Variants in GREB1 observed in about 807,000 individuals in gnomAD.
The protein encoded by GREB1 is growth regulating estrogen receptor binding 1, also known as protein GREB1.
Under a neutral mutation model 200.7 loss-of-function variants are expected in GREB1, and 106 were observed. The ratio of observed to expected loss-of-function variants is 0.53; its 90% CI spans 0.45 to 0.62. GREB1 has a LOEUF of 0.62. Among genes scored for constraint, GREB1 ranks in the 20% least tolerant of loss-of-function variants. The probability of loss-of-function intolerance (pLI) is 0.00; values close to 1 mark genes in which losing one functional copy is unlikely to be tolerated. For missense variants in GREB1, 2,243 were observed against 2,556.8 expected (o/e 0.88, Z 2.65); for synonymous variants, 1,132 against 1,092.4 (o/e 1.04, Z -0.72).
At chr2:11,542,391 T>C (rs923100036) in intron 1 of GREB1, among the ~76,000 whole-genome samples, 1 of 152,006 alleles carries the variant, frequency 6.6e-6, no homozygotes, top group Non-Finnish European at 1.5e-5. Context: ...TCGAGTAGGA[T>C]CTGCAGCGTG....
intron 9 of GREB1, among the ~76,000 whole-genome samples, chr2:11,586,827 C>T (rs1333640345): frequency 3.3e-5 from 5 of 152,180 alleles, no homozygotes; most frequent in Non-Finnish European, 5.9e-5. Flanking sequence ...CTTAGCATGA[C>T]GCAGGACCAA....
chr2:11,620,845 G>A (rs1332150020), intron 22 of GREB1, 60 bp from the exon 23 acceptor site: 19 of 951,980 alleles, frequency 2.0e-5, no homozygotes, highest in South Asian at 4.0e-5. Flanking sequence ...GTGTTCAGCC[G>A]GTGCCTGGCA....
chr2:11,573,387 C>G (rs1273827488), intron 4 of GREB1, among the ~76,000 whole-genome samples: 1 of 152,230 alleles, frequency 6.6e-6, no homozygotes, highest in South Asian at 2.1e-4. Flanking sequence ...TTCTGGATAT[C>G]CACACCCGGC....
At chr2:11,549,390 A>G (rs968241062) in intron 1 of GREB1, among the ~76,000 whole-genome samples, 1 of 152,220 alleles carries the variant, frequency 6.6e-6, no homozygotes, top group Non-Finnish European at 1.5e-5. Flanking sequence ...TTAAGACGAA[A>G]AAAAAGAGAA....
intron 1 of GREB1, among the ~76,000 whole-genome samples, chr2:11,486,387 C>G (rs756714723): frequency 1.3e-5 from 2 of 152,070 alleles, no homozygotes; most frequent in Non-Finnish European, 2.9e-5. Flanking sequence ...AAGTCCTGAC[C>G]TCAAGTAATC....
intron 1 of GREB1, among the ~76,000 whole-genome samples, chr2:11,550,629 C>T (rs1358140964): frequency 1.3e-5 from 2 of 152,206 alleles, no homozygotes; most frequent in South Asian, 2.1e-4. Context: ...GGGTTCTGTG[C>T]ATTTGAATCA....
At chr2:11,612,395 A>G in intron 18 of GREB1, 100 bp from the exon 19 acceptor site, 1 of 1,483,386 alleles carries the variant, frequency 6.7e-7, no homozygotes, top group Non-Finnish European at 9.1e-7. Flanking sequence ...ATATAGTTCA[A>G]GGAGTTTAAA....
chr2:11,595,369 C>G lies in GREB1; in HGVS notation c.1815C>G (p.Thr605=). Residue 605 remains threonine (T), a synonymous_variant, in exon 12 of 33, where the codon ACC becomes ACG. Coordinates refer to ENST00000381486, the MANE Select transcript of GREB1 (RefSeq NM_014668.4). The part of the protein sequence containing the change: ...KVDSLGAFFS[T]LCPEGDIDIL... ...ACTCGCTGGGGGCCTTCTTTAGCACCCTCTGTCCAGGTAGGCTTGTCGTGA... is the reference window on the plus strand; with the variant it reads ...ACTCGCTGGGGGCCTTCTTTAGCACGCTCTGTCCAGGTAGGCTTGTCGTGA... 1 of 1,613,464 alleles carries G rather than the reference C, an allele frequency of 6.2e-7. No homozygotes were observed.
At chr2:11,573,616 G>T (rs1572759791) in intron 4 of GREB1, among the ~76,000 whole-genome samples, 1 of 152,176 alleles carries the variant, frequency 6.6e-6, no homozygotes. Context: ...TGGTTTTCTT[G>T]GTTGGCCTCT....
intron 31 of GREB1, 84 bp downstream of exon 31, chr2:11,638,000 C>A: frequency 8.3e-7 from 1 of 1,202,018 alleles, no homozygotes; most frequent in Non-Finnish European, 1.2e-6. Context: ...ACTCTGAATC[C>A]TAAGTCCTCA....
At chr2:11,579,897 A>G (rs1679287975) in intron 6 of GREB1, among the ~76,000 whole-genome samples, 1 of 152,186 alleles carries the variant, frequency 6.6e-6, no homozygotes, top group Non-Finnish European at 1.5e-5. Context: ...TGGACTCCAG[A>G]TGTATTAGTC....
rs555778057 is a variant in GREB1, at chr2:11,505,916, GTAAA to G, written c.-159+23542_-159+23545del. 4.1e-4 allele frequency among the ~76,000 whole-genome samples: 62 copies of G among 152,290 alleles called. 1 individual carries two copies. In the South Asian group the frequency reaches 0.012, roughly 30 times the overall value. On this transcript the variant is annotated intron_variant, in intron 1 of 2. Transcript: ENST00000628795. ...AAGTAAAGCAGTAGTAAGGCATGCT[GTAAA>G]TAAATATTAAATCAGGAAAAAGGAT...
chr2:11,640,118 TG>T lies in GREB1; in HGVS notation c.5687-172del, dbSNP rs1438505550. On this transcript the variant is annotated intron_variant, in intron 32 of 32. Coordinates refer to ENST00000381486, the MANE Select transcript of GREB1 (RefSeq NM_014668.4). The surrounding 1 kb of genome is among the most constrained non-coding windows in gnomAD (Gnocchi z 4.6). ...ACCTGCCACATCCCAGCCACACTCC[TG>T]TCTCGCTAAGATTGTACATCATCCC... is the stretch of plus-strand genomic sequence containing the variant. Among the ~76,000 whole-genome samples the T allele has an allele frequency of 6.6e-6, 1 of 152,208 alleles. No homozygotes were observed. Among genetic ancestry groups the T allele is most frequent in the Admixed American group, 6.5e-5 (1 of 15,284 alleles).
intron 29 of GREB1, among the ~76,000 whole-genome samples, chr2:11,634,600 AT>A (rs2148438710): frequency 6.6e-6 from 1 of 152,310 alleles, no homozygotes; most frequent in East Asian, 1.9e-4. Context: ...TTTTTGGTTC[AT>A]TCTCCCAATA....
chr2:11,530,804 T>C (rs1261018988), upstream of GREB1, among the ~76,000 whole-genome samples: 4 of 152,134 alleles, frequency 2.6e-5, no homozygotes, highest in African/African-American at 9.7e-5. Context: ...TATTCTTTTG[T>C]ATCTACTTAA....
chr2:11,531,408 G>A (rs1674070012), upstream of GREB1, among the ~76,000 whole-genome samples: 1 of 151,986 alleles, frequency 6.6e-6, no homozygotes, highest in African/African-American at 2.4e-5. Context: ...ATTCAAGCTT[G>A]ACGGAATTTC....
rs376061670 is a variant in GREB1 at position 11,598,842 on chromosome 2, C to T, written c.2315C>T (p.Ala772Val). Residue 772 changes from alanine (A) to valine (V), a missense_variant, in exon 15 of 33, where the codon GCG becomes GTG. Physicochemically the swap from Ala to Val is moderately conservative, Grantham distance 64. Transcript: ENST00000381486. Reference sequence around the variant, plus strand: ...CTTTTTGTCCTAATCCATGACCATGCGCACTGGGATCTTGTGAGGTTAGAT... The same window carrying T: ...CTTTTTGTCCTAATCCATGACCATGTGCACTGGGATCTTGTGAGGTTAGAT... ...HTLFVLIHDH[A>V]HWDLVSSTVH... The T allele has an allele frequency of 9.3e-6, 15 of 1,613,626 alleles. No homozygotes were observed. The highest frequency in any genetic ancestry group is 1.3e-5 in the African/African-American group (1 of 74,928).
rs749143360 is a variant in GREB1 at position 11,629,662 on chromosome 2, C to T, written c.4450-286C>T. Among the ~76,000 whole-genome samples the T allele has an allele frequency of 2.0e-5, 3 of 152,160 alleles. No individual in the cohort carries two copies. The highest frequency in any genetic ancestry group is 2.9e-5 in the Non-Finnish European group (2 of 68,032). Reference sequence around the variant, plus strand: ...ACAGGGCTCTGGTCAGGTTCAAAGCCACGGGGACCAGAAAGCTTGATGCCT... The same window carrying T: ...ACAGGGCTCTGGTCAGGTTCAAAGCTACGGGGACCAGAAAGCTTGATGCCT... On this transcript the variant is annotated intron_variant, in intron 25 of 32. Coordinates refer to ENST00000381486, the MANE Select transcript of GREB1 (RefSeq NM_014668.4). This position sits in a 1 kb window ranked among gnomAD's most constrained non-coding sequence, Gnocchi z 5.2.
upstream of GREB1, among the ~76,000 whole-genome samples, chr2:11,533,205 C>T (rs1020357790): frequency 5.3e-5 from 8 of 151,984 alleles, no homozygotes; most frequent in African/African-American, 1.2e-4. Context: ...CAAATAGAGA[C>T]GGGGATTGGG....
Sources: allele counts gnomAD v4.1 joint callset (sites outside exome capture counted in the v4.1 genomes callset), GRCh38; gene constraint gnomAD v4.1.1; non-coding constraint Gnocchi (gnomAD v3.1); transcripts MANE v1.5; gene names NCBI Gene and HGNC (gene_info 2026-07-23, HGNC 2026-07-21).